FMN2: variants seen among roughly 807,000 people sequenced by gnomAD.
The protein encoded by FMN2 is formin 2, also known as formin-2.
In FMN2, 51 loss-of-function variants were observed where a neutral mutation model predicts 142.3. That is an observed-to-expected ratio of 0.36 (90% confidence interval 0.29 to 0.45). The LOEUF (loss-of-function observed/expected upper bound fraction) is 0.45. Ranked by LOEUF, FMN2 falls within the 20% of genes least tolerant of loss-of-function variation. The pLI is 1.00. For missense variants in FMN2, 1,936 were observed against 2,122.8 expected (o/e 0.91, Z 1.73); for synonymous variants, 882 against 869.8 (o/e 1.01, Z -0.25).
At chr1:240,338,787 T>A (rs1487078868) in intron 13 of FMN2, among the ~76,000 whole-genome samples, 1 of 152,216 alleles carries the variant, frequency 6.6e-6, no homozygotes, top group Non-Finnish European at 1.5e-5. Context: ...ATTACATTTA[T>A]TGTGCGCTTT....
chr1:240,207,309 A>C lies in FMN2; in HGVS notation c.2497A>C (p.Ile833Leu), dbSNP rs772681705. The C allele has an allele frequency of 4.3e-6, 7 of 1,613,574 alleles. No homozygotes were observed. Among genetic ancestry groups the C allele is most frequent in the Non-Finnish European group, 5.9e-6 (7 of 1,179,762 alleles). Residue 833 changes from isoleucine to leucine, a missense_variant, in exon 5 of 18, where the codon ATT becomes CTT. Ile to Leu is a conservative substitution (Grantham distance 5, BLOSUM62 2). Coordinates refer to ENST00000319653, the MANE Select transcript of FMN2 (RefSeq NM_020066.5). ...GCCTGGGTCACAGCCGCCCCATTCT[A>C]TTTCTACCGAGTTTCAAACCAGCCA... ...GQPGSQPPHSISTEFQTSHEH... is the reference protein window; with the variant it reads ...GQPGSQPPHSLSTEFQTSHEH...
At chr1:240,415,869 A>T (rs1394103597) in intron 15 of FMN2, among the ~76,000 whole-genome samples, 3 of 152,202 alleles carry the variant, frequency 2.0e-5, no homozygotes, top group Admixed American at 2.0e-4. Flanking sequence ...CTTCGATGAG[A>T]ATACAACAAT....
intron 16 of FMN2, among the ~76,000 whole-genome samples, chr1:240,462,242 G>T (rs984382593): frequency 1.8e-4 from 27 of 152,232 alleles, no homozygotes; most frequent in Middle Eastern, 6.8e-3. Context: ...AGGAGTTAGT[G>T]AGGCTAGGTT....
At chr1:240,105,466 A>G (rs2103184313) in intron 1 of FMN2, among the ~76,000 whole-genome samples, 1 of 152,198 alleles carries the variant, frequency 6.6e-6, no homozygotes, top group African/African-American at 2.4e-5. Context: ...AAAAATCCTG[A>G]AGTTGTTTGA....
chr1:240,102,447 T>A (rs899615231), intron 1 of FMN2, among the ~76,000 whole-genome samples: 15 of 152,202 alleles, frequency 9.9e-5, no homozygotes, highest in Admixed American at 5.9e-4. Flanking sequence ...TGAAACTCAT[T>A]TTTTAACCTA....
chr1:240,351,450 G>A (rs951322189), intron 13 of FMN2, among the ~76,000 whole-genome samples: 2 of 152,088 alleles, frequency 1.3e-5, no homozygotes, highest in African/African-American at 4.8e-5. Context: ...TTTTTCTAGA[G>A]CTGAAATTCT....
intron 7 of FMN2, among the ~76,000 whole-genome samples, chr1:240,259,390 T>C (rs1408400483): frequency 6.6e-6 from 1 of 152,104 alleles, no homozygotes; most frequent in African/African-American, 2.4e-5. Context: ...TAACATGGCA[T>C]GAAAGGCAGT....
intron 2 of FMN2, among the ~76,000 whole-genome samples, chr1:240,161,128 C>A (rs1229559410): frequency 6.6e-6 from 1 of 151,988 alleles, no homozygotes; most frequent in South Asian, 2.1e-4. Flanking sequence ...TTTTTTATTT[C>A]ATTTCTCTCC....
intron 2 of FMN2, chr1:240,170,310 C>A: frequency 9.3e-7 from 1 of 1,080,626 alleles, no homozygotes; most frequent in Non-Finnish European, 1.4e-6. Flanking sequence ...TTTGCCATAC[C>A]AATGCCTATA....
intron 6 of FMN2, chr1:240,245,511 G>C (rs1668046707): frequency 2.1e-6 from 1 of 471,358 alleles, no homozygotes; most frequent in African/African-American, 2.0e-5. Context: ...GGAGATCATG[G>C]TATCACTGAC....
At chr1:240,257,064 T>C (rs1469075808) in intron 6 of FMN2, among the ~76,000 whole-genome samples, 1 of 152,190 alleles carries the variant, frequency 6.6e-6, no homozygotes, top group Non-Finnish European at 1.5e-5. Flanking sequence ...TCCAGTGTTT[T>C]TCTAAGCAGA....
At chr1:240,102,659 C>T (rs1661454434) in intron 1 of FMN2, among the ~76,000 whole-genome samples, 1 of 151,886 alleles carries the variant, frequency 6.6e-6, no homozygotes, top group Admixed American at 6.6e-5. Flanking sequence ...TGGATGGTAT[C>T]CTTGCAGTTT....
At chr1:240,198,976 G>A (rs112365481) in intron 4 of FMN2, among the ~76,000 whole-genome samples, 3,241 of 152,146 alleles carry the variant, frequency 0.021, 128 homozygotes, top group African/African-American at 0.074. Context: ...ATGGTGGCTT[G>A]TGCCTGTAGT....
Position 240,391,457 on chromosome 1 carries a change from C to A in FMN2, c.4859-1054C>A, listed in dbSNP as rs78665813. ...CCCATTTTTTTTATAATCAATTTGC[C>A]CTGCTCCACTGTGTCTCCTAAGTTC... On this transcript the variant is annotated intron_variant, in intron 14 of 17. Transcript: ENST00000319653. 8.6e-3 allele frequency among the ~76,000 whole-genome samples: 1,308 copies of A among 152,188 alleles called. 17 individuals are homozygous for A. Among genetic ancestry groups the A allele is most frequent in the African/African-American group, 0.03 (1,258 of 41,494 alleles).
chr1:240,437,040 G>T (rs1187757801), intron 15 of FMN2, among the ~76,000 whole-genome samples: 4 of 152,038 alleles, frequency 2.6e-5, no homozygotes, highest in Non-Finnish European at 5.9e-5. Flanking sequence ...TTCTTCTCAG[G>T]GCATCACTCA....
rs756598447 is a variant in FMN2, at chr1:240,092,923, G to T, written c.814G>T (p.Ala272Ser). 2 of 1,472,386 alleles carry T rather than the reference G, an allele frequency of 1.4e-6. No homozygotes were observed. The allele number at this position is 1,472,386 out of a possible 1,614,324, so 91.2% of individuals were successfully genotyped here. A position where few individuals can be genotyped will look rare whatever the true frequency, so the allele number is the denominator to read the frequency against. The part of the protein sequence containing the change: ...EAPGSPDTEQ[A>S]LSALSDLPES... Reference sequence around the variant, plus strand: ...CCCGGGCAGTCCGGACACCGAGCAGGCGCTGTCCGCGCTCTCCGACCTGCC... The same window carrying T: ...CCCGGGCAGTCCGGACACCGAGCAGTCGCTGTCCGCGCTCTCCGACCTGCC... Residue 272 changes from alanine to serine, a missense_variant, in exon 1 of 18, where the codon GCG becomes TCG. Around this residue, in one of 8 missense-constraint regions of FMN2, gnomAD observed 751 missense variants for 791.8 expected, o/e 0.95. Transcript: ENST00000319653.
intron 6 of FMN2, among the ~76,000 whole-genome samples, chr1:240,244,052 GC>G (rs1668000802): frequency 6.6e-6 from 1 of 152,178 alleles, no homozygotes; most frequent in African/African-American, 2.4e-5. Flanking sequence ...CTGAGGTTCT[GC>G]TTTGAAATTT....
rs1194008599 is a variant in FMN2, at chr1:240,211,113, T to G, written c.3943T>G (p.Trp1315Gly). 2 of 1,612,498 alleles carry G rather than the reference T, an allele frequency of 1.2e-6. No homozygotes were observed. Among genetic ancestry groups the G allele is most frequent in the African/African-American group, 2.7e-5 (2 of 74,766 alleles). The part of the protein sequence containing the change: ...SKRDSSTSLI[W>G]EKIEEPSIDC... ...TAGAGACTCCAGTACTTCACTTATT[T>G]GGGAAAAAATTGAAGAGCCATCCAT... Residue 1315 changes from tryptophan (W) to glycine (G), a missense_variant, in exon 6 of 18, where the codon TGG becomes GGG. Physicochemically the swap from Trp to Gly is radical, Grantham distance 184 (BLOSUM62 -2). This residue lies in a region of FMN2 where 259 missense variants were observed against 230.9 expected (regional missense o/e 1.12). Coordinates refer to ENST00000319653, the MANE Select transcript of FMN2 (RefSeq NM_020066.5).
intron 7 of FMN2, among the ~76,000 whole-genome samples, chr1:240,267,165 A>G (rs764811120): frequency 1.1e-4 from 16 of 152,126 alleles, no homozygotes; most frequent in Non-Finnish European, 2.4e-4. Context: ...CGGACAACCT[A>G]CAGGATGGGA....
Sources: allele counts gnomAD v4.1 joint callset (sites outside exome capture counted in the v4.1 genomes callset), GRCh38; gene constraint gnomAD v4.1.1; regional missense constraint gnomAD v4.1.1; transcripts MANE v1.5; gene names NCBI Gene and HGNC (gene_info 2026-07-23, HGNC 2026-07-21).